The following TMEM217B variants were observed in gnomAD, a reference collection of about 807,000 sequenced individuals.
TMEM217B encodes transmembrane protein 217B, also known as putative transmembrane protein 217B.
At chr6:37,252,157 T>C in the TMEM217B span, among the ~76,000 whole-genome samples, 2 of 152,228 alleles carry the variant, frequency 1.3e-5, no homozygotes, top group Non-Finnish European at 2.9e-5. Flanking sequence ...CCTCCCAAAG[T>C]GCTGGGATTA....
At chr6:37,221,714 C>CAG in the TMEM217B span, among the ~76,000 whole-genome samples, 1 of 152,162 alleles carries the variant, frequency 6.6e-6, no homozygotes, top group Non-Finnish European at 1.5e-5. Flanking sequence ...CTGTGGCCAG[C>CAG]GGCACCTTTG....
At chr6:37,256,414 G>A in the TMEM217B span, among the ~76,000 whole-genome samples, 1 of 152,108 alleles carries the variant, frequency 6.6e-6, no homozygotes, top group African/African-American at 2.4e-5. Flanking sequence ...GTGCAGTGCT[G>A]GTCACTGCAT....
chr6:37,212,832 C>T, the TMEM217B span: 819 of 1,069,494 alleles, frequency 7.7e-4, no homozygotes, highest in Non-Finnish European at 1.0e-3. Flanking sequence ...TGACTAGCTC[C>T]GACTTTGAGT....
chr6:37,250,723 ATGTG>A, the TMEM217B span, among the ~76,000 whole-genome samples: 41 of 152,364 alleles, frequency 2.7e-4, no homozygotes, highest in East Asian at 6.6e-3. Context: ...ACGTGTATGT[ATGTG>A]TAAGTGTAAA....
chr6:37,221,555 C>T, the TMEM217B span, among the ~76,000 whole-genome samples: 1 of 152,056 alleles, frequency 6.6e-6, no homozygotes, highest in Non-Finnish European at 1.5e-5. Flanking sequence ...CAAGGTTCAT[C>T]TATGTTATAG....
At chr6:37,232,488 C>G in the TMEM217B span, among the ~76,000 whole-genome samples, 1 of 152,314 alleles carries the variant, frequency 6.6e-6, no homozygotes, top group South Asian at 2.1e-4. Flanking sequence ...GGGGTTCACG[C>G]CATTCTCCTG....
chr6:37,233,462 G>C, the TMEM217B span, among the ~76,000 whole-genome samples: 2 of 152,188 alleles, frequency 1.3e-5, no homozygotes, highest in African/African-American at 4.8e-5. Context: ...CTTTCAGGTG[G>C]CATCTTGCCA....
the TMEM217B span, among the ~76,000 whole-genome samples, chr6:37,243,250 C>T: frequency 6.6e-6 from 1 of 152,216 alleles, no homozygotes; most frequent in African/African-American, 2.4e-5. Context: ...CACTCTGAAA[C>T]AGGGCGTTTA....
the TMEM217B span, among the ~76,000 whole-genome samples, chr6:37,234,338 G>A: frequency 6.6e-6 from 1 of 152,160 alleles, no homozygotes; most frequent in Admixed American, 6.5e-5. Flanking sequence ...GACCTCAGAT[G>A]ATCCTCCTGC....
At chr6:37,218,905 G>T in the TMEM217B span, 2 of 1,613,942 alleles carry the variant, frequency 1.2e-6, no homozygotes, top group African/African-American at 2.7e-5. Context: ...TGATCTCAGT[G>T]CAACTGCCAT....
At chr6:37,233,370 T>C in the TMEM217B span, among the ~76,000 whole-genome samples, 10 of 152,132 alleles carry the variant, frequency 6.6e-5, no homozygotes, top group Non-Finnish European at 1.2e-4. Flanking sequence ...ACTGGGAAAT[T>C]TATAAACAAC....
chr6:37,212,607 C>A, the TMEM217B span: 4 of 489,420 alleles, frequency 8.2e-6, no homozygotes, highest in Non-Finnish European at 1.6e-5. Context: ...AGATCCAGTG[C>A]AAATAACTCA....
the TMEM217B span, among the ~76,000 whole-genome samples, chr6:37,227,040 G>A: frequency 5.6e-4 from 85 of 152,260 alleles, no homozygotes; most frequent in African/African-American, 1.9e-3. Context: ...TTTTGCCCAG[G>A]CCTGTATATC....
At chr6:37,252,617 G>GCA in the TMEM217B span, among the ~76,000 whole-genome samples, 2 of 112,316 alleles carry the variant, frequency 1.8e-5, no homozygotes, top group African/African-American at 6.5e-5. Flanking sequence ...GTATGTGTGT[G>GCA]TATATATATA....
At chr6:37,226,256 T>G in the TMEM217B span, among the ~76,000 whole-genome samples, 25 of 149,472 alleles carry the variant, frequency 1.7e-4, no homozygotes, top group African/African-American at 5.0e-4. Flanking sequence ...TTTTGTTTTG[T>G]TTTATTTTGT....
At chr6:37,214,245 T>C in the TMEM217B span, among the ~76,000 whole-genome samples, 1 of 152,052 alleles carries the variant, frequency 6.6e-6, no homozygotes, top group Admixed American at 6.6e-5. Flanking sequence ...CTCTCTCTCT[T>C]TCGACAGAGT....
At chr6:37,235,131 CATT>C in the TMEM217B span, among the ~76,000 whole-genome samples, 2 of 152,094 alleles carry the variant, frequency 1.3e-5, no homozygotes, top group South Asian at 4.1e-4. Context: ...GAGCTAAAAA[CATT>C]ATCATGAGAA....
the TMEM217B span, chr6:37,218,109 C>T: frequency 7.7e-6 from 8 of 1,039,080 alleles, no homozygotes; most frequent in African/African-American, 3.4e-5. Flanking sequence ...GAGAGACCTA[C>T]CTCTTATGGG....
At chr6:37,236,504 C>T in the TMEM217B span, among the ~76,000 whole-genome samples, 124 of 152,014 alleles carry the variant, frequency 8.2e-4, 4 homozygotes, top group East Asian at 0.024. Flanking sequence ...CCTGAAAATG[C>T]AAGGGAATAA....
Sources: gnomAD v4.1 joint callset for allele counts (sites outside exome capture counted in the v4.1 genomes callset) on GRCh38, gnomAD v4.1.1 for gene constraint, MANE v1.5 for transcripts, NCBI Gene and HGNC (gene_info 2026-07-23, HGNC 2026-07-21) for gene names.